Variants in GOLGA3 observed in about 807,000 individuals in gnomAD.
GOLGA3 encodes golgin A3.
A neutral mutation model predicts 169.4 loss-of-function variants in GOLGA3; 75 were observed. The observed-to-expected ratio is 0.44, with a 90% CI of 0.37 to 0.54. The LOEUF (loss-of-function observed/expected upper bound fraction) is 0.54, where lower values mean the gene tolerates loss of function less well. GOLGA3 is among the 20% of genes least tolerant of loss of function. The pLI, the probability that GOLGA3 is intolerant of heterozygous loss-of-function variation, is 0.00. For missense variants in GOLGA3, 1,899 were observed against 1,930.0 expected, an observed-to-expected ratio of 0.98 and a Z score of 0.30; for synonymous variants, 824 against 822.4, an observed-to-expected ratio of 1.00 and a Z score of -0.03.
chr12:132,783,821 C>T (rs2045749591), intron 16 of GOLGA3: 1 of 1,073,480 alleles, frequency 9.3e-7, no homozygotes, highest in Admixed American at 3.3e-5. Context: ...CATGATCCGC[C>T]CACCTCAGCC....
intron 11 of GOLGA3, among the ~76,000 whole-genome samples, chr12:132,794,330 A>AT (rs1489374268): frequency 1.4e-5 from 2 of 143,476 alleles, no homozygotes; most frequent in South Asian, 2.3e-4. Flanking sequence ...CCCCGTATCT[A>AT]TTTAAAAAAA....
rs549232864 is a variant in GOLGA3, at chr12:132,802,130, G to A, written c.1598-161C>T. Among the ~76,000 whole-genome samples, 39 of 152,388 alleles carry A rather than the reference G, an allele frequency of 2.6e-4. 1 individual carries two copies. Among genetic ancestry groups the A allele is most frequent in the African/African-American group, 8.7e-4 (36 of 41,592 alleles). On this transcript the variant is annotated intron_variant, in intron 7 of 23. Coordinates refer to ENST00000450791, the MANE Select transcript of GOLGA3 (RefSeq NM_001389683.1). ...GACTCCATGAAGTCGCCGTGAACACGGCATTAGTGGGCGCTGAGAGATGCC... is the reference window on the plus strand; with the variant it reads ...GACTCCATGAAGTCGCCGTGAACACAGCATTAGTGGGCGCTGAGAGATGCC...
rs767990915 is a variant in GOLGA3, at chr12:132,816,638, T to C, written c.308A>G (p.Asn103Ser). Residue 103 changes from asparagine to serine, a missense_variant, in exon 3 of 24, where the codon AAC (asparagine) becomes AGC (serine). Coordinates refer to ENST00000450791, the MANE Select transcript of GOLGA3 (RefSeq NM_001389683.1). Reference protein sequence around the residue: ...ASPGVAGFHDNLRKSQGTSAE... With the variant: ...ASPGVAGFHDSLRKSQGTSAE... ...ACTAGTTCCCTGAGACTTCCTTAGG[T>C]TGTCATGGAAACCAGCCACACCTGG... The C allele has an allele frequency of 6.2e-7, 1 of 1,614,098 alleles. No individual in the cohort carries two copies. Among genetic ancestry groups the C allele is most frequent in the Non-Finnish European group, 8.5e-7 (1 of 1,179,986 alleles).
intron 13 of GOLGA3, 112 bp downstream of exon 13, chr12:132,788,914 CA>C: frequency 2.2e-6 from 1 of 454,828 alleles, no homozygotes. Flanking sequence ...GGCCCCGACC[CA>C]GACAGACCCC....
Position 132,777,565 on chromosome 12 carries a change from T to C in GOLGA3, c.3722+101A>G, listed in dbSNP as rs2045315864. 3 of 1,368,044 alleles carry C rather than the reference T, an allele frequency of 2.2e-6. No homozygotes were observed. The highest frequency in any genetic ancestry group is 3.0e-6 in the Non-Finnish European group (3 of 994,390). The allele number at this position is 1,368,044 out of a possible 1,614,324, so 84.7% of individuals were successfully genotyped here. ...TGATTCACTCAAGTACTCGGCAATTTGCAAAATATAGATGACCCTCGCTGT... is the reference window on the plus strand; with the variant it reads ...TGATTCACTCAAGTACTCGGCAATTCGCAAAATATAGATGACCCTCGCTGT... On this transcript the variant is annotated intron_variant, in intron 19 of 23. Transcript: ENST00000450791. This position sits in a 1 kb window ranked among gnomAD's most constrained non-coding sequence, Gnocchi z 4.7.
intron 1 of GOLGA3, among the ~76,000 whole-genome samples, chr12:132,826,847 G>A (rs1192373072): frequency 6.7e-6 from 1 of 148,940 alleles, no homozygotes; most frequent in African/African-American, 2.4e-5. Context: ...TCTCCGGGCA[G>A]CGAGGAGGAG....
At chr12:132,798,620 T>C (rs1948986616) in intron 8 of GOLGA3, 143 bp from the exon 9 acceptor site, 1 of 404,988 alleles carries the variant, frequency 2.5e-6, no homozygotes, top group Non-Finnish European at 4.4e-6. Context: ...CCACTACACG[T>C]CTTCCCATCT....
chr12:132,806,778 T>C (rs557577888), intron 6 of GOLGA3, among the ~76,000 whole-genome samples: 1 of 152,278 alleles, frequency 6.6e-6, no homozygotes, highest in Admixed American at 6.5e-5. Flanking sequence ...TTCTGGCACA[T>C]GCTAACCAAG....
At chr12:132,814,869 C>T (rs888216430) in intron 3 of GOLGA3, among the ~76,000 whole-genome samples, 1 of 152,234 alleles carries the variant, frequency 6.6e-6, no homozygotes, top group African/African-American at 2.4e-5. Context: ...TTGCATGGTA[C>T]GTGCCAACGT....
chr12:132,792,435 G>A (rs563948663), intron 11 of GOLGA3, among the ~76,000 whole-genome samples: 123 of 152,352 alleles, frequency 8.1e-4, no homozygotes, highest in Non-Finnish European at 1.5e-3. Flanking sequence ...ACCCGGTGTT[G>A]GGCTGCGCCC....
chr12:132,780,976 C>G, intron 17 of GOLGA3, 62 bp from the exon 18 acceptor site: 1 of 1,249,990 alleles, frequency 8.0e-7, no homozygotes, highest in Non-Finnish European at 1.2e-6. Context: ...CACAAGGCTG[C>G]TACAGCAGGC....
intron 21 of GOLGA3, 67 bp from the exon 22 acceptor site, chr12:132,775,372 T>C: frequency 1.4e-6 from 2 of 1,406,512 alleles, no homozygotes; most frequent in Non-Finnish European, 2.0e-6. Flanking sequence ...GATCCGAGTT[T>C]GTATTTTCAT....
chr12:132,815,919 C>T (rs761660586), intron 3 of GOLGA3, among the ~76,000 whole-genome samples: 4 of 152,322 alleles, frequency 2.6e-5, no homozygotes, highest in Middle Eastern at 3.4e-3. Flanking sequence ...ACAAAACAGG[C>T]TGGGCCTGGT....
chr12:132,784,354 AC>A (rs775660392), intron 15 of GOLGA3, 47 bp from the exon 16 acceptor site: 1 of 1,511,680 alleles, frequency 6.6e-7, no homozygotes. Flanking sequence ...ACAGGCCCTG[AC>A]CCCCCTCACT....
At chr12:132,792,495 T>C (rs1016658081) in intron 11 of GOLGA3, among the ~76,000 whole-genome samples, 14 of 152,242 alleles carry the variant, frequency 9.2e-5, no homozygotes, top group African/African-American at 2.7e-4. Flanking sequence ...CTGCAAAGTC[T>C]GTTGGAGCCC....
In GOLGA3 at chr12:132,779,205, G is replaced by A. The variant is rs185913622; in HGVS notation, c.3583-1400C>T. Among the ~76,000 whole-genome samples the A allele has an allele frequency of 1.5e-3, 235 of 151,828 alleles. 1 individual carries two copies. The highest frequency in any genetic ancestry group is 4.5e-3 in the African/African-American group (188 of 41,414). On this transcript the variant is annotated intron_variant, in intron 18 of 23. Transcript: ENST00000450791. Reference sequence around the variant, plus strand: ...AGCGATTCTCCTGCCTCAGCCTCCCGAGTAGCTGGGACTACAGGCATGTGC... The same window carrying A: ...AGCGATTCTCCTGCCTCAGCCTCCCAAGTAGCTGGGACTACAGGCATGTGC...
chr12:132,783,064 C>T (rs1463521662), intron 16 of GOLGA3, among the ~76,000 whole-genome samples: 4 of 152,026 alleles, frequency 2.6e-5, no homozygotes, highest in East Asian at 1.9e-4. Flanking sequence ...GGTGTGGTGG[C>T]GATCACCTGT....
In GOLGA3 at chr12:132,791,309, G is replaced by A. The variant is rs1470125686; in HGVS notation, c.2470-16C>T. ...GGTGTTCCACCTGTGGGAGACATGT[G>A]CACAGACATTACACTGACGGCTCCA... On this transcript the variant is annotated splice_polypyrimidine_tract_variant and intron_variant, in intron 11 of 23. Coordinates refer to ENST00000450791, the MANE Select transcript of GOLGA3 (RefSeq NM_001389683.1). The A allele has an allele frequency of 6.6e-7, 1 of 1,517,054 alleles. No individual in the cohort carries two copies. The highest frequency in any genetic ancestry group is 2.3e-5 in the East Asian group (1 of 44,248). 94.0% of individuals were successfully genotyped at this position (1,517,054 alleles called of 1,614,324 possible).
chr12:132,773,947 T>C (rs2045064732), intron 23 of GOLGA3, among the ~76,000 whole-genome samples: 1 of 138,460 alleles, frequency 7.2e-6, no homozygotes, highest in Non-Finnish European at 1.5e-5. Flanking sequence ...AGAGGCTGAG[T>C]CCTTCCCCCT....
Sources: allele counts gnomAD v4.1 joint callset (sites outside exome capture counted in the v4.1 genomes callset), GRCh38; gene constraint gnomAD v4.1.1; non-coding constraint Gnocchi (gnomAD v3.1); transcripts MANE v1.5; gene names NCBI Gene and HGNC (gene_info 2026-07-23, HGNC 2026-07-21).